Variants in CACNA1G observed in about 807,000 individuals in gnomAD.
CACNA1G encodes the protein calcium voltage-gated channel subunit alpha1 G, also known as voltage-dependent T-type calcium channel subunit alpha-1G.
In CACNA1G, 67 loss-of-function variants were observed where a neutral mutation model predicts 219.4. That is an observed-to-expected ratio of 0.31 (90% CI 0.25 to 0.37). The LOEUF (loss-of-function observed/expected upper bound fraction) is 0.37, where lower values mean the gene tolerates loss of function less well. CACNA1G is among the 10% of genes least tolerant of loss of function. The probability of loss-of-function intolerance (pLI) is 1.00; values close to 1 mark genes in which losing one functional copy is unlikely to be tolerated. For missense variants in CACNA1G, 2,380 were observed against 3,231.4 expected, an observed-to-expected ratio of 0.74 and a Z score of 6.39; for synonymous variants, 1,296 against 1,345.3, an observed-to-expected ratio of 0.96 and a Z score of 0.80.
chr17:50,601,834 G>A (rs924527542), intron 19 of CACNA1G, among the ~76,000 whole-genome samples: 1 of 152,096 alleles, frequency 6.6e-6, no homozygotes, highest in Non-Finnish European at 1.5e-5. Context: ...TTGTGTTTCC[G>A]CTCACGGCAT....
At chr17:50,566,611 A>G (rs924822689) in intron 1 of CACNA1G, among the ~76,000 whole-genome samples, 1 of 152,222 alleles carries the variant, frequency 6.6e-6, no homozygotes, top group South Asian at 2.1e-4. Flanking sequence ...ACCTTCCCCC[A>G]GTTATAAGCA....
At chr17:50,574,424 T>C (rs1489039717) in intron 7 of CACNA1G, among the ~76,000 whole-genome samples, 1 of 152,240 alleles carries the variant, frequency 6.6e-6, no homozygotes, top group Non-Finnish European at 1.5e-5. Flanking sequence ...GCCACCTCAT[T>C]CTGCCTGCGT....
Position 50,575,563 on chromosome 17 carries a change from C to T in CACNA1G, c.1161C>T (p.Ile387=). The change falls in exon 8 of 38, where the codon ATC becomes ATT. Residue 387 remains isoleucine, a synonymous_variant. Transcript: ENST00000359106. ...TACAGGTGGGCTCCTTCTTCATGAT[C>T]AACCTGTGCCTGGTGGTGATTGCCA... ...LLIIVGSFFM[I]NLCLVVIATQ... is the part of the protein sequence containing the mutation. The T allele has an allele frequency of 6.2e-7, 1 of 1,609,198 alleles. No individual in the cohort carries two copies. Among genetic ancestry groups the T allele is most frequent in the Non-Finnish European group, 8.5e-7 (1 of 1,176,422 alleles).
intron 35 of CACNA1G, among the ~76,000 whole-genome samples, chr17:50,622,104 G>A (rs2052266689): frequency 6.6e-6 from 1 of 152,106 alleles, no homozygotes; most frequent in African/African-American, 2.4e-5. Context: ...CCCAAAACAG[G>A]TGTCATCAGA....
intron 9 of CACNA1G, among the ~76,000 whole-genome samples, chr17:50,586,086 G>A (rs2042928289): frequency 1.3e-5 from 2 of 152,186 alleles, no homozygotes; most frequent in African/African-American, 4.8e-5. Flanking sequence ...CTGTCTGCCA[G>A]AGCTGGCTCT....
intron 4 of CACNA1G, among the ~76,000 whole-genome samples, chr17:50,570,475 A>C (rs189055534): frequency 6.6e-6 from 1 of 151,254 alleles, no homozygotes; most frequent in African/African-American, 2.4e-5. Context: ...TGGTCCTAGG[A>C]GTGGGGTGGT....
rs1236643418 is a variant in CACNA1G, at chr17:50,586,261, G to A, written c.2302-4210G>A. ...CCGCCCCCAGGGCCTCAGTGGCAGC[G>A]TGGTAGGCAGAGACTTGTCCAGAGG... On this transcript the variant is annotated intron_variant, in intron 9 of 37. Transcript: ENST00000359106. Among the ~76,000 whole-genome samples the A allele has an allele frequency of 4.6e-5, 7 of 152,316 alleles. No homozygotes were observed. In the South Asian group the frequency reaches 8.3e-4, roughly 18 times the overall value.
chr17:50,564,214 G>A (rs377692238), intron 1 of CACNA1G, among the ~76,000 whole-genome samples: 1 of 150,840 alleles, frequency 6.6e-6, no homozygotes, highest in Admixed American at 6.6e-5. Flanking sequence ...GGTGTGGAGA[G>A]CAGGGGTACT....
Position 50,600,742 on chromosome 17 carries a change from T to C in CACNA1G, c.3707T>C (p.Val1236Ala). 1 of 1,613,620 alleles carries C rather than the reference T, an allele frequency of 6.2e-7. No individual in the cohort carries two copies. The highest frequency in any genetic ancestry group is 8.5e-7 in the Non-Finnish European group (1 of 1,179,744). ...DEGNLSKGER[V>A]RAWIRARLPA... ...GTTCTGCAGAGCAAAGGGGAACGGGTCCGCGCGTGGATCCGAGCCCGACTC... is the reference window on the plus strand; with the variant it reads ...GTTCTGCAGAGCAAAGGGGAACGGGCCCGCGCGTGGATCCGAGCCCGACTC... Residue 1236 changes from valine to alanine, a missense_variant, in exon 18 of 38, where the codon GTC becomes GCC. Coordinates refer to ENST00000359106, the MANE Select transcript of CACNA1G (RefSeq NM_018896.5). The surrounding 1 kb of genome is among the most constrained non-coding windows in gnomAD (Gnocchi z 4.1).
chr17:50,596,340 C>A lies in CACNA1G; in HGVS notation c.2980-222C>A, dbSNP rs923410799. 2.0e-5 allele frequency among the ~76,000 whole-genome samples: 3 copies of A among 152,164 alleles called. No homozygotes were observed. The highest frequency in any genetic ancestry group is 7.2e-5 in the African/African-American group (3 of 41,428). On this transcript the variant is annotated intron_variant, in intron 14 of 37. Coordinates refer to ENST00000359106, the MANE Select transcript of CACNA1G (RefSeq NM_018896.5). The surrounding 1 kb of genome is among the most constrained non-coding windows in gnomAD (Gnocchi z 4.8). The stretch of plus-strand genomic sequence containing the variant: ...TGCTGTGGGCTCACATAAGCTGTGG[C>A]CTTTTCTGAGGTGTGGCTGGAGAGG...
rs575634567 is a variant in CACNA1G, at chr17:50,601,480, C to T, written c.3915+306C>T. Among the ~76,000 whole-genome samples, 313 of 152,286 alleles carry T rather than the reference C, an allele frequency of 2.1e-3. 2 individuals carry two copies. The highest frequency in any genetic ancestry group is 7.3e-3 in the African/African-American group (304 of 41,550). On this transcript the variant is annotated intron_variant, in intron 19 of 37. Transcript: ENST00000359106. ...TGAGTCGGGGAGTGCTGGGGCGGTG[C>T]AGGGGCTGTGTGCAGATGGGGAGGC...
intron 22 of CACNA1G, 38 bp downstream of exon 22, chr17:50,604,319 C>T (rs957419227): frequency 2.7e-5 from 44 of 1,605,376 alleles, no homozygotes; most frequent in Non-Finnish European, 3.5e-5. Flanking sequence ...GGGTGAAAGC[C>T]TGAAGAGGGC....
rs1166317947 is a variant in CACNA1G at position 50,618,929 on chromosome 17, C to T, written c.5702C>T (p.Pro1901Leu). 6.2e-7 allele frequency: 1 copy of T among 1,603,210 alleles called. No individual in the cohort carries two copies. The highest frequency in any genetic ancestry group is 8.5e-7 in the Non-Finnish European group (1 of 1,173,696). ...CCTGGGGTCGAGGGCCCCGACAGCC[C>T]CGACAGCCCCAAGCCTGGGGCTCTG... ...LWPGVEGPDS[P>L]DSPKPGALHP... The change falls in exon 33 of 38, where the codon CCC (proline) becomes CTC (leucine). Residue 1901 changes from proline (P) to leucine (L), a missense_variant. Transcript: ENST00000359106. This position sits in a 1 kb window ranked among gnomAD's most constrained non-coding sequence, Gnocchi z 5.3.
chr17:50,579,330 T>C (rs2041407927), intron 9 of CACNA1G, among the ~76,000 whole-genome samples: 1 of 151,988 alleles, frequency 6.6e-6, no homozygotes, highest in South Asian at 2.1e-4. Context: ...AGCAATAGGA[T>C]CTGGGCTGAG....
At position 50,598,054 on chromosome 17, in the gene CACNA1G, C is replaced by T. The variant is rs527246472; in HGVS notation, c.3258+1131C>T. On this transcript the variant is annotated intron_variant, in intron 16 of 37. Coordinates refer to ENST00000359106, the MANE Select transcript of CACNA1G (RefSeq NM_018896.5). Reference sequence around the variant, plus strand: ...TTCTTTCTTTCTTTCTTTTCCTTTCCGCTCTGTCGCCCAGGCTGGAGTGCA... The same window carrying T: ...TTCTTTCTTTCTTTCTTTTCCTTTCTGCTCTGTCGCCCAGGCTGGAGTGCA... Among the ~76,000 whole-genome samples the T allele has an allele frequency of 3.6e-4, 55 of 152,188 alleles. 1 individual carries two copies. In the South Asian group the frequency reaches 6.0e-3, roughly 17 times the overall value.
rs919894706 is a variant in CACNA1G at position 50,561,055 on chromosome 17, C to T, written c.-405C>T. 16 of 355,234 alleles carry T rather than the reference C, an allele frequency of 4.5e-5. No individual in the cohort carries two copies. The highest frequency in any genetic ancestry group is 3.7e-4 in the African/African-American group (16 of 43,696). The allele number at this position is 355,234 out of a possible 1,614,324, so 22.0% of individuals were successfully genotyped here. A position where few individuals can be genotyped will look rare whatever the true frequency, so the allele number is the denominator to read the frequency against. On this transcript the variant is annotated 5_prime_UTR_variant, in exon 1 of 38. Transcript: ENST00000359106. Reference sequence around the variant, plus strand: ...CTGCGCCGCGGGAAGAGGGGGCGCCCCTCCCCGGACCCCCGCCCTCCGCCG... The same window carrying T: ...CTGCGCCGCGGGAAGAGGGGGCGCCTCTCCCCGGACCCCCGCCCTCCGCCG...
intron 9 of CACNA1G, among the ~76,000 whole-genome samples, chr17:50,587,948 G>C (rs1156464384): frequency 6.6e-6 from 1 of 152,174 alleles, no homozygotes; most frequent in African/African-American, 2.4e-5. Context: ...GGAGTGAAGA[G>C]AACAGTCTCC....
chr17:50,618,950 C>T lies in CACNA1G; in HGVS notation c.5723C>T (p.Ala1908Val). The change falls in exon 33 of 38, where the codon GCT becomes GTT. Residue 1908 changes from alanine (A) to valine (V), a missense_variant. Physicochemically the swap from Ala to Val is moderately conservative, Grantham distance 64. Coordinates refer to ENST00000359106, the MANE Select transcript of CACNA1G (RefSeq NM_018896.5). This position sits in a 1 kb window ranked among gnomAD's most constrained non-coding sequence, Gnocchi z 5.3. The stretch of plus-strand genomic sequence containing the variant: ...AGCCCCGACAGCCCCAAGCCTGGGG[C>T]TCTGCACCCAGCGGCCCACGCGAGA... Reference protein sequence around the residue: ...PDSPDSPKPGALHPAAHARSA... With the variant: ...PDSPDSPKPGVLHPAAHARSA... 1.3e-6 allele frequency: 2 copies of T among 1,586,340 alleles called. No homozygotes were observed. Among genetic ancestry groups the T allele is most frequent in the Non-Finnish European group, 8.6e-7 (1 of 1,164,994 alleles).
At chr17:50,593,930 G>A (rs1025974807) in intron 13 of CACNA1G, among the ~76,000 whole-genome samples, 1 of 152,236 alleles carries the variant, frequency 6.6e-6, no homozygotes. Context: ...ACAACTCCAA[G>A]GCACCTGCCC....
Sources: gnomAD v4.1 joint callset for allele counts (sites outside exome capture counted in the v4.1 genomes callset) on GRCh38, gnomAD v4.1.1 for gene constraint, Gnocchi (gnomAD v3.1) non-coding constraint, MANE v1.5 for transcripts, NCBI Gene and HGNC (gene_info 2026-07-23, HGNC 2026-07-21) for gene names.